GNE: variants seen among roughly 807,000 people sequenced by gnomAD.
GNE encodes the protein glucosamine (UDP-N-acetyl)-2-epimerase/N-acetylmannosamine kinase, also known as bifunctional UDP-N-acetylglucosamine 2-epimerase/N-acetylmannosamine kinase.
Under a neutral mutation model 61.8 loss-of-function variants are expected in GNE, and 41 were observed. That is an observed-to-expected ratio of 0.66 (90% CI 0.52 to 0.86). The LOEUF (loss-of-function observed/expected upper bound fraction) is 0.86, where lower values mean the gene tolerates loss of function less well. Among genes scored for constraint, GNE ranks in the 40% least tolerant of loss-of-function variants. The pLI, the probability that GNE is intolerant of heterozygous loss-of-function variation, is 0.00. For synonymous variants in GNE, 264 were observed against 326.4 expected (o/e 0.81, Z 2.06); for missense variants, 608 against 909.1 (o/e 0.67, Z 4.26).
At chr9:36,242,980 TC>T (rs1829709475) in intron 3 of GNE, among the ~76,000 whole-genome samples, 1 of 152,036 alleles carries the variant, frequency 6.6e-6, no homozygotes, top group Admixed American at 6.6e-5. Context: ...CCTCAAGTGA[TC>T]CACCTGCCTG....
In GNE at chr9:36,223,451, T is replaced by C; in HGVS notation, c.1333A>G (p.Arg445Gly). The C allele has an allele frequency of 6.2e-7, 1 of 1,611,052 alleles. No individual in the cohort carries two copies. The highest frequency in any genetic ancestry group is 2.2e-5 in the East Asian group (1 of 44,870). Residue 445 changes from arginine to glycine, a missense_variant, in exon 8 of 12, where the codon AGG (arginine) becomes GGG (glycine). By Grantham distance (125) the Arg-to-Gly change is moderately radical (BLOSUM62 -2). Transcript: ENST00000642385. ...TQFNPKTYEE[R>G]INLILQMCVE... ...CACATCTGTAGGATTAAATTAATCCTCTCTTCATAGGTTTTAGGATTGAAC... is the reference window on the plus strand; with the variant it reads ...CACATCTGTAGGATTAAATTAATCCCCTCTTCATAGGTTTTAGGATTGAAC...
intron 1 of GNE, among the ~76,000 whole-genome samples, chr9:36,256,581 C>G (rs577305462): frequency 9.2e-5 from 14 of 152,244 alleles, no homozygotes; most frequent in Admixed American, 1.3e-4. Flanking sequence ...TCTGCATTCT[C>G]TCAACTCAAG....
At chr9:36,232,745 A>G (rs1312856178) in intron 5 of GNE, among the ~76,000 whole-genome samples, 1 of 151,946 alleles carries the variant, frequency 6.6e-6, no homozygotes, top group Non-Finnish European at 1.5e-5. Context: ...AATTCCTGAT[A>G]TTTTTCTTAT....
At chr9:36,251,386 A>T (rs1467604196) in intron 1 of GNE, among the ~76,000 whole-genome samples, 1 of 152,208 alleles carries the variant, frequency 6.6e-6, no homozygotes, top group African/African-American at 2.4e-5. Flanking sequence ...GCAAGGAATA[A>T]GAGATTTGTT....
chr9:36,232,790 C>T (rs1003028905), intron 5 of GNE, among the ~76,000 whole-genome samples: 2 of 152,212 alleles, frequency 1.3e-5, no homozygotes, highest in Non-Finnish European at 2.9e-5. Context: ...ATCTCCTCTC[C>T]CACTAGAATG....
chr9:36,276,360 G>A (rs922990130), intron 1 of GNE, among the ~76,000 whole-genome samples: 14 of 152,132 alleles, frequency 9.2e-5, no homozygotes, highest in East Asian at 5.8e-4. Context: ...ACTATATGTC[G>A]CATTTATATA....
At chr9:36,236,343 G>A (rs1055712984) in intron 4 of GNE, among the ~76,000 whole-genome samples, 2 of 152,124 alleles carry the variant, frequency 1.3e-5, no homozygotes, top group Admixed American at 1.3e-4. Flanking sequence ...TGGGACTACA[G>A]GTGCCCACCA....
rs766420673 is a variant in GNE at position 36,249,334 on chromosome 9, G to T, written c.22C>A (p.Arg8=). 2 of 1,613,820 alleles carry T rather than the reference G, an allele frequency of 1.2e-6. No homozygotes were observed. Among genetic ancestry groups the T allele is most frequent in the East Asian group, 2.2e-5 (1 of 44,878 alleles). ...GTAGCAACACAAACCCGCAGCTTTC[G>T]GTTATTTCCATTCTTCTCCATGATT... MEKNGNN[R]KLRVCVATCN... The change falls in exon 2 of 12, where the codon CGA becomes AGA. Residue 8 remains arginine, a synonymous_variant. Coordinates refer to ENST00000642385, the MANE Select transcript of GNE (RefSeq NM_005476.7).
chr9:36,218,051 G>T lies in GNE; in HGVS notation c.1933+132C>A. 1.3e-6 allele frequency: 1 copy of T among 775,132 alleles called. No individual in the cohort carries two copies. 48.0% of individuals were successfully genotyped at this position (775,132 alleles called of 1,614,324 possible). On this transcript the variant is annotated intron_variant, in intron 11 of 11. Transcript: ENST00000642385. The surrounding 1 kb of genome is among the most constrained non-coding windows in gnomAD (Gnocchi z 4.1). ...TCCCTTTTTACCTCTGAGTAATTAGGAAAGAAACCTCTGAACAGACACTGC... is the reference window on the plus strand; with the variant it reads ...TCCCTTTTTACCTCTGAGTAATTAGTAAAGAAACCTCTGAACAGACACTGC...
intron 1 of GNE, among the ~76,000 whole-genome samples, chr9:36,274,354 C>G (rs766435366): frequency 5.3e-5 from 8 of 152,160 alleles, no homozygotes; most frequent in Non-Finnish European, 1.2e-4. Flanking sequence ...CCTCAACCTA[C>G]TGAAGTGCTG....
At chr9:36,269,129 CA>C (rs397776335) in intron 1 of GNE, among the ~76,000 whole-genome samples, 1,399 of 83,884 alleles carry the variant, frequency 0.017, 6 homozygotes, top group Middle Eastern at 0.079. Context: ...GACTCCGTCT[CA>C]AAAAAAAAAA....
upstream of GNE, among the ~76,000 whole-genome samples, chr9:36,262,706 GA>G (rs1463951736): frequency 2.6e-5 from 4 of 152,184 alleles, no homozygotes; most frequent in Non-Finnish European, 4.4e-5. Context: ...TAGGCTTTAA[GA>G]GATCCTCTAA....
At chr9:36,243,046 T>C (rs571250144) in intron 3 of GNE, among the ~76,000 whole-genome samples, 75 of 152,120 alleles carry the variant, frequency 4.9e-4, no homozygotes, top group Non-Finnish European at 9.6e-4. Context: ...TGGCCAAAAC[T>C]AGTGTTTTGT....
At chr9:36,272,915 TACAAAAA>T (rs1257384918) in intron 1 of GNE, among the ~76,000 whole-genome samples, 14 of 13,856 alleles carry the variant, frequency 1.0e-3, no homozygotes, top group Non-Finnish European at 1.8e-3. Flanking sequence ...CTAGTAAAAA[TACAAAAA>T]AAAAAAAAAA....
intron 1 of GNE, chr9:36,265,307 A>C (rs1287465812): frequency 2.3e-6 from 1 of 439,896 alleles, no homozygotes; most frequent in Non-Finnish European, 4.6e-6. Context: ...CAAGAACCCC[A>C]GGTCAGAGAA....
chr9:36,235,151 G>T lies in GNE; in HGVS notation c.770-1019C>A, dbSNP rs143687858. ...AAACGCTTCCTTTGAGCGTCATATT[G>T]GTGCTCAAAAAGTTTGAGATTTTGG... On this transcript the variant is annotated intron_variant, in intron 4 of 11. Transcript: ENST00000642385. 5.1e-3 allele frequency among the ~76,000 whole-genome samples: 780 copies of T among 152,220 alleles called. 1 individual carries two copies. The highest frequency in any genetic ancestry group is 9.1e-3 in the Non-Finnish European group (618 of 68,020).
chr9:36,224,041 T>C (rs1828741655), intron 7 of GNE, among the ~76,000 whole-genome samples: 1 of 151,258 alleles, frequency 6.6e-6, no homozygotes. Context: ...CGTGAGCCAC[T>C]GCCCCCGGCC....
chr9:36,227,398 G>A lies in GNE; in HGVS notation c.1131C>T (p.Ile377=), dbSNP rs764041731. Residue 377 remains isoleucine, a synonymous_variant, in exon 7 of 12, where the codon ATC becomes ATT. Coordinates refer to ENST00000642385, the MANE Select transcript of GNE (RefSeq NM_005476.7). ...VPRILKFLKS[I]DLQEPLQKKF... is the part of the protein sequence containing the mutation. ...TCTTTTGCAGTGGCTCTTGAAGATC[G>A]ATAGATTTGAGAAACTTCAAAATCC... 2.7e-5 allele frequency: 43 copies of A among 1,612,176 alleles called. No individual in the cohort carries two copies. In the Admixed American group the frequency reaches 3.2e-4, roughly 12 times the overall value.
chr9:36,226,393 A>C (rs1828865668), intron 7 of GNE, among the ~76,000 whole-genome samples: 1 of 150,122 alleles, frequency 6.7e-6, no homozygotes, highest in Non-Finnish European at 1.5e-5. Context: ...CATGTTGTCC[A>C]AGCTGGTCTG....
Sources: allele counts gnomAD v4.1 joint callset (sites outside exome capture counted in the v4.1 genomes callset), GRCh38; gene constraint gnomAD v4.1.1; non-coding constraint Gnocchi (gnomAD v3.1); transcripts MANE v1.5; gene names NCBI Gene and HGNC (gene_info 2026-07-23, HGNC 2026-07-21).